The following DYNC2H1 variants were observed in gnomAD, a reference collection of about 807,000 sequenced individuals.
DYNC2H1 encodes the protein dynein cytoplasmic 2 heavy chain 1.
Under a neutral mutation model 570.0 loss-of-function variants are expected in DYNC2H1, and 410 were observed. The observed-to-expected ratio is 0.72, with a 90% CI of 0.66 to 0.78. The LOEUF is 0.78. DYNC2H1 is among the 30% of genes least tolerant of loss of function. The pLI, the probability that DYNC2H1 is intolerant of heterozygous loss-of-function variation, is 0.00. For missense variants in DYNC2H1, 4,865 were observed against 5,046.4 expected, an observed-to-expected ratio of 0.96 and a Z score of 1.09; for synonymous variants, 1,688 against 1,677.6, an observed-to-expected ratio of 1.01 and a Z score of -0.15.
rs1386970197 is a variant in DYNC2H1 at position 103,155,334 on chromosome 11, G to C, written c.3577G>C (p.Val1193Leu). The change falls in exon 25 of 89, where the codon GTA becomes CTA. Residue 1193 changes from valine to leucine, a missense_variant. Physicochemically the swap from Val to Leu is conservative, Grantham distance 32. Transcript: ENST00000375735. Reference protein sequence around the residue: ...LQSEVDKYKIVIPILKYVRGE... With the variant: ...LQSEVDKYKILIPILKYVRGE... Reference sequence around the variant, plus strand: ...TTCTTTTTTTTTTTTGTAACAGATCGTAATTCCTATCTTGAAATATGTGAG... The same window carrying C: ...TTCTTTTTTTTTTTTGTAACAGATCCTAATTCCTATCTTGAAATATGTGAG... 1 of 1,589,898 alleles carries C rather than the reference G, an allele frequency of 6.3e-7. No individual in the cohort carries two copies. The highest frequency in any genetic ancestry group is 1.4e-5 in the African/African-American group (1 of 71,978).
At chr11:103,187,922 T>C (rs1862140550) in intron 43 of DYNC2H1, among the ~76,000 whole-genome samples, 1 of 152,104 alleles carries the variant, frequency 6.6e-6, no homozygotes, top group Non-Finnish European at 1.5e-5. Context: ...TTTTAAAGTA[T>C]GCATTCTTCT....
chr11:103,152,749 C>G (rs552739564), intron 21 of DYNC2H1, among the ~76,000 whole-genome samples: 1 of 152,252 alleles, frequency 6.6e-6, no homozygotes, highest in Non-Finnish European at 1.5e-5. Context: ...TGTCTACCAT[C>G]TCTAGCGTAT....
chr11:103,323,328 A>T (rs942280214), intron 81 of DYNC2H1, among the ~76,000 whole-genome samples: 11 of 152,198 alleles, frequency 7.2e-5, no homozygotes, highest in African/African-American at 2.7e-4. Context: ...AGGATTATCA[A>T]TGCATTTTAT....
At position 103,164,366 on chromosome 11, in the gene DYNC2H1, T is replaced by A. The variant is rs562522863; in HGVS notation, c.4611+1219T>A. Among the ~76,000 whole-genome samples, 6 of 152,350 alleles carry A rather than the reference T, an allele frequency of 3.9e-5. No individual in the cohort carries two copies. The South Asian group carries it at 1.2e-3, about 32-fold the overall frequency. On this transcript the variant is annotated intron_variant, in intron 30 of 88. Transcript: ENST00000375735. ...CTAAAAATGTAAATAGTTCATTATC[T>A]ACTAAAATAAAGAATTCTAGTTTAT... is the stretch of plus-strand genomic sequence containing the variant.
chr11:103,362,449 C>A (rs1940702878), intron 83 of DYNC2H1, among the ~76,000 whole-genome samples: 1 of 147,288 alleles, frequency 6.8e-6, no homozygotes, highest in African/African-American at 2.5e-5. Flanking sequence ...TATAGAATTC[C>A]ATTGTTTCAG....
At chr11:103,456,450 T>G (rs1944792901) in intron 87 of DYNC2H1, 94 bp downstream of exon 87, 10 of 937,264 alleles carry the variant, frequency 1.1e-5, no homozygotes, top group Middle Eastern at 2.2e-4. Flanking sequence ...CCTATCTTTA[T>G]AGTGTAAGAT....
At chr11:103,413,933 T>G (rs1469427121) in intron 84 of DYNC2H1, among the ~76,000 whole-genome samples, 1 of 152,212 alleles carries the variant, frequency 6.6e-6, no homozygotes, top group Non-Finnish European at 1.5e-5. Context: ...GTCCTTTTGT[T>G]TGTCCTTTTT....
intron 36 of DYNC2H1, among the ~76,000 whole-genome samples, chr11:103,174,940 G>T (rs528151402): frequency 2.0e-5 from 3 of 148,182 alleles, no homozygotes; most frequent in African/African-American, 2.5e-5. Context: ...GTTTGGGGGG[G>T]TGGGGTGGGG....
At chr11:103,436,125 A>G (rs1322646421) in intron 85 of DYNC2H1, 93 bp downstream of exon 85, 1 of 1,053,090 alleles carries the variant, frequency 9.5e-7, no homozygotes, top group South Asian at 1.9e-5. Context: ...TGAGAATTAC[A>G]CTATGATTTT....
chr11:103,321,048 G>T lies in DYNC2H1; in HGVS notation c.11745G>T (p.Trp3915Cys), dbSNP rs549891589. The T allele has an allele frequency of 1.2e-5, 19 of 1,609,516 alleles. No individual in the cohort carries two copies. In the African/African-American group the frequency reaches 2.5e-4, roughly 21 times the overall value. Residue 3915 changes from tryptophan (W) to cysteine (C), a missense_variant, in exon 81 of 89, where the codon TGG becomes TGT. Around this residue, in one of 5 missense-constraint regions of DYNC2H1, gnomAD observed 2,401 missense variants for 2,454.6 expected, o/e 0.98. Transcript: ENST00000375735. ...TTATAGGTGCCAAAGATGTACAATG[G>T]GAATTTGTACATGGTTTACTTGAAA... ...RLFDGAKDVQWEFVHGLLENA... is the reference protein window; with the variant it reads ...RLFDGAKDVQCEFVHGLLENA...
At chr11:103,164,820 A>G (rs1861235503) in intron 30 of DYNC2H1, among the ~76,000 whole-genome samples, 1 of 152,200 alleles carries the variant, frequency 6.6e-6, no homozygotes, top group Admixed American at 6.5e-5. Context: ...TTTGTTAGCC[A>G]TTCACAGAAA....
At position 103,204,822 on chromosome 11, in the gene DYNC2H1, G is replaced by A. The variant is rs1862862271; in HGVS notation, c.8312G>A (p.Arg2771Lys). 6.3e-7 allele frequency: 1 copy of A among 1,581,232 alleles called. No homozygotes were observed. The highest frequency in any genetic ancestry group is 8.6e-7 in the Non-Finnish European group (1 of 1,162,206). The change falls in exon 52 of 89, where the codon AGA becomes AAA. Residue 2771 changes from arginine to lysine, a missense_variant and splice_region_variant. Physicochemically the swap from Arg to Lys is conservative, Grantham distance 26. Coordinates refer to ENST00000375735, the MANE Select transcript of DYNC2H1 (RefSeq NM_001377.3). The surrounding 1 kb of genome is among the most constrained non-coding windows in gnomAD (Gnocchi z 4.1). ...ATTATTATTCTTATATATTTCTTAG[G>A]AATTCAGCAAAACTTGCATATTGTC... is the stretch of plus-strand genomic sequence containing the variant. ...FGPVFNYFTYRIQQNLHIVLI... is the reference protein window; with the variant it reads ...FGPVFNYFTYKIQQNLHIVLI...
At chr11:103,135,994 T>C (rs917341477) in intron 17 of DYNC2H1, 46 bp downstream of exon 17, 4 of 1,423,554 alleles carry the variant, frequency 2.8e-6, no homozygotes, top group Non-Finnish European at 3.7e-6. Flanking sequence ...AAATTATTTC[T>C]GATTGATTGA....
In DYNC2H1 at chr11:103,261,725, A is replaced by G. The variant is rs1865297382; in HGVS notation, c.10695+1748A>G. On this transcript the variant is annotated intron_variant, in intron 70 of 88. Transcript: ENST00000375735. This position sits in a 1 kb window ranked among gnomAD's most constrained non-coding sequence, Gnocchi z 4.8. ...AAGATCAAAGACCAAAGGTAGATAA[A>G]TCCACGAAGATGAGGAAAAACCAGC... is the stretch of plus-strand genomic sequence containing the variant. 6.6e-6 allele frequency among the ~76,000 whole-genome samples: 1 copy of G among 152,218 alleles called. No individual in the cohort carries two copies. The highest frequency in any genetic ancestry group is 2.1e-4 in the South Asian group (1 of 4,834).
intron 87 of DYNC2H1, chr11:103,468,357 T>A: frequency 2.9e-6 from 1 of 342,000 alleles, no homozygotes; most frequent in Non-Finnish European, 5.4e-6. Flanking sequence ...GAGATTTATA[T>A]GTAATTTCAA....
At chr11:103,410,868 T>G (rs927836340) in intron 84 of DYNC2H1, among the ~76,000 whole-genome samples, 1 of 152,170 alleles carries the variant, frequency 6.6e-6, no homozygotes, top group Non-Finnish European at 1.5e-5. Flanking sequence ...TCAGTATAGC[T>G]TAAACGTTCA....
chr11:103,479,262 G>A lies in DYNC2H1; in HGVS notation c.*9G>A. 3.1e-6 allele frequency: 5 copies of A among 1,605,672 alleles called. No homozygotes were observed. The highest frequency in any genetic ancestry group is 3.4e-6 in the Non-Finnish European group (4 of 1,174,976). On this transcript the variant is annotated 3_prime_UTR_variant, in exon 89 of 89. Transcript: ENST00000375735. ...TCCTAAAAAATCAGTAGAATCTAAT[G>A]ACAACAAAAGCCATCTTCACAAAAG...
chr11:103,455,189 T>C lies in DYNC2H1; in HGVS notation c.12460T>C (p.Trp4154Arg). ...GTTCATATTTCCCCCCCTCTAGAACTGGGTAGATAAAGCTGAAAAACAGGC... is the reference window on the plus strand; with the variant it reads ...GTTCATATTTCCCCCCCTCTAGAACCGGGTAGATAAAGCTGAAAAACAGGC... ...LVARALAIQNWVDKAEKQALL... is the reference protein window; with the variant it reads ...LVARALAIQNRVDKAEKQALL... The change falls in exon 86 of 89, where the codon TGG (tryptophan) becomes CGG (arginine). Residue 4154 changes from tryptophan (W) to arginine (R), a missense_variant. By Grantham distance (101) the Trp-to-Arg change is moderately radical. Around this residue, in one of 5 missense-constraint regions of DYNC2H1, gnomAD observed 2,401 missense variants for 2,454.6 expected, o/e 0.98. Transcript: ENST00000375735. 6.2e-7 allele frequency: 1 copy of C among 1,612,396 alleles called. No homozygotes were observed. The highest frequency in any genetic ancestry group is 8.5e-7 in the Non-Finnish European group (1 of 1,178,710).
Position 103,117,875 on chromosome 11 carries a change from A to T in DYNC2H1, c.999+12A>T, listed in dbSNP as rs752091645. 69 of 1,596,344 alleles carry T rather than the reference A, an allele frequency of 4.3e-5. No individual in the cohort carries two copies. Among genetic ancestry groups the T allele is most frequent in the Non-Finnish European group, 4.9e-5 (57 of 1,167,622 alleles). On this transcript the variant is annotated intron_variant, in intron 6 of 88. Coordinates refer to ENST00000375735, the MANE Select transcript of DYNC2H1 (RefSeq NM_001377.3). ...AACGCCTTGAAGAGGTATCAATTTG[A>T]TTATCTAGATCTTTGTCTTTAAATG...
Sources: allele counts gnomAD v4.1 joint callset (sites outside exome capture counted in the v4.1 genomes callset), GRCh38; gene constraint gnomAD v4.1.1; regional missense constraint gnomAD v4.1.1; non-coding constraint Gnocchi (gnomAD v3.1); transcripts MANE v1.5; gene names NCBI Gene and HGNC (gene_info 2026-07-23, HGNC 2026-07-21).